Variants in LRRC53 observed in about 807,000 individuals in gnomAD.
LRRC53 encodes the protein leucine rich repeat containing 53.
LRRC53 carries 25 observed loss-of-function variants against 13.6 expected under a neutral mutation model. That is an observed-to-expected ratio of 1.83 (90% CI 1.34 to 2.56). The LOEUF (loss-of-function observed/expected upper bound fraction) is 2.56, where lower values mean the gene tolerates loss of function less well. LRRC53 is among the 30% of genes most tolerant of loss of function. The pLI, the probability that LRRC53 is intolerant of heterozygous loss-of-function variation, is 0.00. For synonymous variants in LRRC53, 204 were observed against 109.8 expected, an observed-to-expected ratio of 1.86 and a Z score of -5.37; for missense variants, 527 against 275.8, an observed-to-expected ratio of 1.91 and a Z score of -6.45.
At chr1:74,476,660 T>TTATAAAATCTCAA (rs1191128774) in intron 3 of LRRC53, among the ~76,000 whole-genome samples, 1 of 152,100 alleles carries the variant, frequency 6.6e-6, no homozygotes, top group Non-Finnish European at 1.5e-5. Flanking sequence ...ATTCTCAAGA[T>TTATAAAATCTCAA]GTGATTAGGA....
At chr1:74,500,873 C>T (rs1011564637) in intron 1 of LRRC53, among the ~76,000 whole-genome samples, 2 of 151,676 alleles carry the variant, frequency 1.3e-5, no homozygotes, top group Non-Finnish European at 2.9e-5. Context: ...TTTAATCTGC[C>T]TTTTAAAACT....
At chr1:74,475,215 T>A in intron 4 of LRRC53, 80 bp downstream of exon 4, 1 of 607,208 alleles carries the variant, frequency 1.6e-6, no homozygotes, top group South Asian at 2.1e-5. Context: ...TATTTCCTGT[T>A]GAGGAAATTA....
intron 3 of LRRC53, among the ~76,000 whole-genome samples, chr1:74,477,046 T>C (rs938315044): frequency 6.6e-6 from 1 of 152,160 alleles, no homozygotes; most frequent in Non-Finnish European, 1.5e-5. Context: ...AAGCAATCTC[T>C]ATTAAAGGCA....
intron 1 of LRRC53, among the ~76,000 whole-genome samples, chr1:74,508,487 G>A (rs1458930908): frequency 3.3e-5 from 5 of 152,114 alleles, no homozygotes; most frequent in Non-Finnish European, 7.3e-5. Flanking sequence ...ACTTAAACCT[G>A]GCCAGAGTAG....
At chr1:74,488,657 G>T (rs140717152) in intron 1 of LRRC53, among the ~76,000 whole-genome samples, 15 of 151,976 alleles carry the variant, frequency 9.9e-5, no homozygotes, top group Admixed American at 3.9e-4. Context: ...GTTCATAATG[G>T]GCAATATTTT....
intron 1 of LRRC53, among the ~76,000 whole-genome samples, chr1:74,483,930 C>T (rs1194243021): frequency 3.3e-5 from 5 of 152,144 alleles, no homozygotes; most frequent in Non-Finnish European, 2.9e-5. Flanking sequence ...ATTAAGCTCA[C>T]AAGCTCTACT....
Position 74,470,598 on chromosome 1 carries a change from G to A in LRRC53, c.3024C>T (p.Leu1008=). Residue 1008 remains leucine (L), a synonymous_variant, in exon 5 of 5, where the codon CTC becomes CTT. Coordinates refer to ENST00000294635, the MANE Select transcript of LRRC53 (RefSeq NM_001382280.1). The part of the protein sequence containing the change: ...LSKTETYDSS[L]IPQTQSKNNL... ...TGTTCTTGGATTGTGTTTGGGGAAT[G>A]AGAGAGGAATCATAAGTTTCTGTTT... The A allele has an allele frequency of 5.0e-6, 2 of 400,680 alleles. No homozygotes were observed. The highest frequency in any genetic ancestry group is 8.8e-6 in the Non-Finnish European group (2 of 226,168). 24.8% of individuals were successfully genotyped at this position (400,680 alleles called of 1,614,324 possible).
At chr1:74,513,790 A>T (rs1273243285), upstream of LRRC53, among the ~76,000 whole-genome samples, 1 of 152,238 alleles carries the variant, frequency 6.6e-6, no homozygotes, top group Non-Finnish European at 1.5e-5. Flanking sequence ...GAATTTCAGC[A>T]AATCTAATTC....
At position 74,480,211 on chromosome 1, in the gene LRRC53, G is replaced by A. The variant is rs1438395248; in HGVS notation, c.846C>T (p.Asp282=). 1.4e-6 allele frequency: 1 copy of A among 717,512 alleles called. No homozygotes were observed. Among genetic ancestry groups the A allele is most frequent in the Admixed American group, 2.0e-5 (1 of 50,026 alleles). 44.4% of individuals were successfully genotyped at this position (717,512 alleles called of 1,614,324 possible). ...CTGGTCCTGGGAGGAGGGGACTTCT[G>A]TCCTTTAGAACCAGAGTGAAGTTGG... The part of the protein sequence containing the change: ...KAPNFTLVLK[D]RSPLLPGPDV... Residue 282 remains aspartate, a synonymous_variant, in exon 3 of 5, where the codon GAC becomes GAT. Coordinates refer to ENST00000294635, the MANE Select transcript of LRRC53 (RefSeq NM_001382280.1).
chr1:74,518,873 C>CTTTTTT, the LRRC53 span, among the ~76,000 whole-genome samples: 91 of 100,298 alleles, frequency 9.1e-4, no homozygotes, highest in Non-Finnish European at 1.2e-3. Flanking sequence ...TTTTTTTTCC[C>CTTTTTT]CTTTTTTTTT....
At chr1:74,492,340 A>G in intron 1 of LRRC53, 1 of 1,383,922 alleles carries the variant, frequency 7.2e-7, no homozygotes, top group Non-Finnish European at 9.5e-7. Context: ...AACTGATTTG[A>G]TTACTATTAA....
rs899246174 is a variant in LRRC53 at position 74,475,540 on chromosome 1, G to T, written c.1175C>A (p.Ser392Tyr). The change falls in exon 4 of 5, where the codon TCT becomes TAT. Residue 392 changes from serine (S) to tyrosine (Y), a missense_variant. Physicochemically the swap from Ser to Tyr is moderately radical, Grantham distance 144 (BLOSUM62 -2). Coordinates refer to ENST00000294635, the MANE Select transcript of LRRC53 (RefSeq NM_001382280.1). ...TCTAAATGATCCGTCAAGGGTTGCA[G>T]ACTCAGAGGCCGATGTTGCTTGATG... is the stretch of plus-strand genomic sequence containing the variant. ...NSHQATSASE[S>Y]ATLDGSFRNL... The T allele has an allele frequency of 2.9e-5, 21 of 717,338 alleles. No homozygotes were observed. Among genetic ancestry groups the T allele is most frequent in the Admixed American group, 2.4e-4 (12 of 49,978 alleles). 44.4% of individuals were successfully genotyped at this position (717,338 alleles called of 1,614,324 possible). A position where few individuals can be genotyped will look rare whatever the true frequency, so the allele number is the denominator to read the frequency against.
chr1:74,498,854 A>T (rs80307868), intron 1 of LRRC53, among the ~76,000 whole-genome samples: 12 of 148,930 alleles, frequency 8.1e-5, no homozygotes, highest in East Asian at 1.9e-4. Context: ...TGTGTTTTTT[A>T]AAAAAAATTT....
At chr1:74,502,840 C>G (rs192480292) in intron 1 of LRRC53, among the ~76,000 whole-genome samples, 18 of 152,308 alleles carry the variant, frequency 1.2e-4, no homozygotes, top group African/African-American at 3.8e-4. Context: ...ACAGGCGTGC[C>G]GTGGACTCCC....
intron 1 of LRRC53, among the ~76,000 whole-genome samples, chr1:74,509,848 G>C (rs1347040087): frequency 7.1e-6 from 1 of 140,698 alleles, no homozygotes; most frequent in East Asian, 2.3e-4. Flanking sequence ...AACTTCCCCA[G>C]GCTCAGGTGA....
At chr1:74,527,457 C>T in the LRRC53 span, among the ~76,000 whole-genome samples, 3 of 152,044 alleles carry the variant, frequency 2.0e-5, no homozygotes, top group South Asian at 2.1e-4. Flanking sequence ...ACAAGTCTGC[C>T]GTAAGGAGAC....
chr1:74,514,387 T>C (rs184560784), upstream of LRRC53, among the ~76,000 whole-genome samples: 190 of 152,332 alleles, frequency 1.2e-3, 2 homozygotes, highest in Non-Finnish European at 6.5e-4. Flanking sequence ...AAGTTCCTTA[T>C]CGAGAGGAAG....
intron 4 of LRRC53, among the ~76,000 whole-genome samples, chr1:74,473,961 G>A (rs775075935): frequency 1.3e-5 from 2 of 152,034 alleles, no homozygotes; most frequent in Non-Finnish European, 2.9e-5. Flanking sequence ...TTTCTTTACC[G>A]ATTTCTGTTC....
At chr1:74,532,442 C>A in the LRRC53 span, among the ~76,000 whole-genome samples, 2 of 145,916 alleles carry the variant, frequency 1.4e-5, no homozygotes, top group Non-Finnish European at 3.0e-5. Flanking sequence ...TAGTTTGACA[C>A]GTGCTATTAT....
Sources: allele counts gnomAD v4.1 joint callset (sites outside exome capture counted in the v4.1 genomes callset), GRCh38; gene constraint gnomAD v4.1.1; transcripts MANE v1.5; gene names NCBI Gene and HGNC (gene_info 2026-07-23, HGNC 2026-07-21).